FNDC3B: variants seen among roughly 807,000 people sequenced by gnomAD.
FNDC3B encodes fibronectin type III domain-containing protein 3B.
In FNDC3B, 12 loss-of-function variants were observed where a neutral mutation model predicts 151.5. The observed-to-expected ratio is 0.08, with a 90% CI of 0.05 to 0.13. The LOEUF (loss-of-function observed/expected upper bound fraction) is 0.13. FNDC3B is among the 10% of genes least tolerant of loss of function. The pLI is 1.00. For missense variants in FNDC3B, 1,214 were observed against 1,505.3 expected, an observed-to-expected ratio of 0.81 and a Z score of 3.20; for synonymous variants, 528 against 549.0, an observed-to-expected ratio of 0.96 and a Z score of 0.54.
At chr3:172,196,825 A>G (rs2108682001) in intron 3 of FNDC3B, among the ~76,000 whole-genome samples, 1 of 152,278 alleles carries the variant, frequency 6.6e-6, no homozygotes, top group South Asian at 2.1e-4. Flanking sequence ...AAGTGAGTTA[A>G]TTAATGGGCA....
At chr3:172,314,955 T>A (rs1355848921) in intron 11 of FNDC3B, among the ~76,000 whole-genome samples, 1 of 152,260 alleles carries the variant, frequency 6.6e-6, no homozygotes, top group African/African-American at 2.4e-5. Context: ...TGGAAATTAC[T>A]CATTAATAGT....
chr3:172,329,161 A>C (rs1732509589), intron 12 of FNDC3B, 85 bp downstream of exon 12: 1 of 1,458,940 alleles, frequency 6.9e-7, no homozygotes, highest in African/African-American at 1.4e-5. Flanking sequence ...GGCATGAGGA[A>C]GCCTGCTGCC....
intron 17 of FNDC3B, among the ~76,000 whole-genome samples, 181 bp from the exon 18 acceptor site, chr3:172,342,830 C>T (rs759325584): frequency 1.8e-4 from 27 of 152,182 alleles, no homozygotes; most frequent in Non-Finnish European, 2.9e-4. Context: ...TTAAAACACA[C>T]ACACATAAAT....
chr3:172,288,600 G>C (rs1730143999), intron 7 of FNDC3B, among the ~76,000 whole-genome samples: 2 of 152,186 alleles, frequency 1.3e-5, no homozygotes, highest in Non-Finnish European at 2.9e-5. Flanking sequence ...TTTGGAAAAG[G>C]CACGTTGAGA....
intron 6 of FNDC3B, 88 bp downstream of exon 6, chr3:172,251,629 A>G (rs1296524822): frequency 3.2e-6 from 4 of 1,255,684 alleles, no homozygotes; most frequent in Non-Finnish European, 1.1e-6. Context: ...TGAGAATATT[A>G]TTTCATGGTG....
chr3:172,166,398 A>G (rs750390849), intron 3 of FNDC3B, among the ~76,000 whole-genome samples: 12 of 152,218 alleles, frequency 7.9e-5, no homozygotes, highest in East Asian at 1.9e-4. Flanking sequence ...TAAGGTGTGT[A>G]GAGCGGTTTG....
intron 1 of FNDC3B, among the ~76,000 whole-genome samples, chr3:172,069,520 G>C (rs1206357416): frequency 6.6e-6 from 1 of 152,030 alleles, no homozygotes; most frequent in South Asian, 2.1e-4. Context: ...AGAACGTGTG[G>C]GTTTGTTACA....
chr3:172,247,884 C>A lies in FNDC3B; in HGVS notation c.508+108C>A, dbSNP rs1727863759. ...TGAAATAAGCATAGTAGAAAAGGAT[C>A]TAGGTGGTTTGTAAGACTCATGGGG... On this transcript the variant is annotated intron_variant, in intron 5 of 25. Transcript: ENST00000415807. 4.7e-6 allele frequency: 6 copies of A among 1,275,538 alleles called. No homozygotes were observed. The South Asian group carries it at 6.8e-5, about 15-fold the overall frequency. The allele number at this position is 1,275,538 out of a possible 1,614,324, so 79.0% of individuals were successfully genotyped here.
intron 3 of FNDC3B, among the ~76,000 whole-genome samples, chr3:172,147,730 C>G (rs1481017114): frequency 6.6e-6 from 1 of 152,048 alleles, no homozygotes; most frequent in Non-Finnish European, 1.5e-5. Flanking sequence ...CAGGGTGTTA[C>G]TGATGTTCTT....
intron 11 of FNDC3B, chr3:172,316,507 C>T (rs1731796582): frequency 2.3e-6 from 1 of 427,924 alleles, no homozygotes; most frequent in Admixed American, 2.8e-5. Context: ...GTGATCTGGC[C>T]TTATTCTTGA....
At chr3:172,067,007 G>C (rs1192983053) in intron 1 of FNDC3B, among the ~76,000 whole-genome samples, 6 of 152,106 alleles carry the variant, frequency 3.9e-5, no homozygotes, top group Admixed American at 3.9e-4. Flanking sequence ...TCTTGTACCA[G>C]ATCACCCTTT....
chr3:172,052,088 CTTT>C (rs571140016), intron 1 of FNDC3B, among the ~76,000 whole-genome samples: 3 of 141,746 alleles, frequency 2.1e-5, no homozygotes, highest in Admixed American at 7.1e-5. Flanking sequence ...CTGTCTTCTT[CTTT>C]TTTTTTTTTT....
At chr3:172,213,617 A>G (rs1181321687) in intron 3 of FNDC3B, among the ~76,000 whole-genome samples, 1 of 152,192 alleles carries the variant, frequency 6.6e-6, no homozygotes, top group Non-Finnish European at 1.5e-5. Flanking sequence ...ATAGTACTAT[A>G]TGCAAAACTC....
intron 6 of FNDC3B, among the ~76,000 whole-genome samples, chr3:172,257,122 G>T (rs4894532): frequency 0.42 from 63,438 of 151,786 alleles, 13,810 homozygotes; most frequent in African/African-American, 0.54. Context: ...TGATGGCCAG[G>T]CTGGTCTTGA....
chr3:172,081,207 C>T (rs959774746), intron 1 of FNDC3B, among the ~76,000 whole-genome samples: 4 of 152,282 alleles, frequency 2.6e-5, no homozygotes, highest in Admixed American at 6.5e-5. Context: ...CTTTTGGATT[C>T]TCCCACTTAG....
intron 2 of FNDC3B, among the ~76,000 whole-genome samples, chr3:172,114,340 T>G (rs1031159919): frequency 6.6e-6 from 1 of 152,164 alleles, no homozygotes; most frequent in African/African-American, 2.4e-5. Context: ...AGACAAGGTA[T>G]TTAGTCAAAT....
chr3:172,048,219 T>C (rs1021943707), intron 1 of FNDC3B, among the ~76,000 whole-genome samples: 2 of 152,230 alleles, frequency 1.3e-5, no homozygotes, highest in African/African-American at 2.4e-5. Context: ...GTTGTACATA[T>C]AGGATACTTA....
rs1253454425 is a variant in FNDC3B at position 172,042,918 on chromosome 3, T to G, written c.-29+3147T>G. On this transcript the variant is annotated intron_variant, in intron 1 of 25. Coordinates refer to ENST00000415807, the MANE Select transcript of FNDC3B (RefSeq NM_022763.4). Reference sequence around the variant, plus strand: ...GGCGCAATCTCGGCTCACTGCAACCTCCGCCTTGCTGGTTGAGATGGATTC... The same window carrying G: ...GGCGCAATCTCGGCTCACTGCAACCGCCGCCTTGCTGGTTGAGATGGATTC... 3.4e-5 allele frequency among the ~76,000 whole-genome samples: 5 copies of G among 148,226 alleles called. No homozygotes were observed. The East Asian group carries it at 8.2e-4, about 24-fold the overall frequency.
At chr3:172,155,366 C>T (rs1165532099) in intron 3 of FNDC3B, among the ~76,000 whole-genome samples, 1 of 152,098 alleles carries the variant, frequency 6.6e-6, no homozygotes, top group Non-Finnish European at 1.5e-5. Flanking sequence ...TATGGTGTAA[C>T]CCTTAGTTCC....
Sources: allele counts gnomAD v4.1 joint callset (sites outside exome capture counted in the v4.1 genomes callset), GRCh38; gene constraint gnomAD v4.1.1; transcripts MANE v1.5; gene names NCBI Gene and HGNC (gene_info 2026-07-23, HGNC 2026-07-21).